The following TMEM178B variants were observed in gnomAD, a reference collection of about 807,000 sequenced individuals.
The protein encoded by TMEM178B is transmembrane protein 178B.
A neutral mutation model predicts 31.0 loss-of-function variants in TMEM178B; 5 were observed. The observed-to-expected ratio is 0.16, with a 90% CI of 0.08 to 0.34. The LOEUF is 0.34. Among genes scored for constraint, TMEM178B ranks in the 10% least tolerant of loss-of-function variants. The probability of loss-of-function intolerance (pLI) is 1.00; values close to 1 mark genes in which losing one functional copy is unlikely to be tolerated. For synonymous variants in TMEM178B, 164 were observed against 164.0 expected, an observed-to-expected ratio of 1.00 and a Z score of 0.00; for missense variants, 275 against 400.3, an observed-to-expected ratio of 0.69 and a Z score of 2.67.
At chr7:141,192,616 C>T (rs1796716188) in intron 1 of TMEM178B, among the ~76,000 whole-genome samples, 1 of 152,108 alleles carries the variant, frequency 6.6e-6, no homozygotes, top group African/African-American at 2.4e-5. Context: ...AGGCGCTTGC[C>T]ACCACACCCG....
chr7:141,269,507 G>A (rs186687980), intron 2 of TMEM178B, among the ~76,000 whole-genome samples: 1 of 152,314 alleles, frequency 6.6e-6, no homozygotes, highest in African/African-American at 2.4e-5. Flanking sequence ...CTACTTTAGG[G>A]ATGAACTGAA....
intron 1 of TMEM178B, among the ~76,000 whole-genome samples, chr7:141,077,501 G>A (rs1408713320): frequency 1.3e-5 from 2 of 152,172 alleles, no homozygotes; most frequent in Non-Finnish European, 2.9e-5. Context: ...TGTCTGATTT[G>A]AAGGTAAAGT....
At chr7:141,503,381 G>A in the TMEM178B span, among the ~76,000 whole-genome samples, 2 of 152,216 alleles carry the variant, frequency 1.3e-5, no homozygotes, top group Non-Finnish European at 2.9e-5. Context: ...GCCATTTGGT[G>A]CCAAAGCCTA....
chr7:141,199,330 T>C (rs938296489), intron 1 of TMEM178B, among the ~76,000 whole-genome samples: 5 of 152,192 alleles, frequency 3.3e-5, no homozygotes, highest in African/African-American at 1.2e-4. Context: ...TTTCTGCCAT[T>C]AGTAGTAATG....
intron 1 of TMEM178B, among the ~76,000 whole-genome samples, chr7:141,085,968 GATA>G (rs1794781355): frequency 6.6e-6 from 1 of 152,106 alleles, no homozygotes; most frequent in Non-Finnish European, 1.5e-5. Context: ...TCATTAATAA[GATA>G]ATGATGTATG....
intron 2 of TMEM178B, among the ~76,000 whole-genome samples, chr7:141,403,092 G>A (rs546456841): frequency 6.6e-6 from 1 of 152,268 alleles, no homozygotes; most frequent in South Asian, 2.1e-4. Flanking sequence ...GGCCACAGAG[G>A]CCCCAGAGAT....
intron 2 of TMEM178B, among the ~76,000 whole-genome samples, chr7:141,304,949 A>AT: frequency 6.6e-6 from 1 of 152,148 alleles, no homozygotes; most frequent in Admixed American, 6.6e-5. Context: ...CACCGCTTGC[A>AT]TCTCCCAGTC....
intron 2 of TMEM178B, among the ~76,000 whole-genome samples, chr7:141,409,794 G>A (rs555169146): frequency 1.3e-5 from 2 of 151,752 alleles, no homozygotes; most frequent in African/African-American, 4.8e-5. Context: ...GGAAAGCTGG[G>A]CCCCTCTATC....
rs571862677 is a variant in TMEM178B at position 141,306,343 on chromosome 7, A to G, written c.496+93639A>G. On this transcript the variant is annotated intron_variant, in intron 2 of 3. Coordinates refer to ENST00000565468, the MANE Select transcript of TMEM178B (RefSeq NM_001195278.2). ...ATCATGGAGGGATGCCCTTTGCTGA[A>G]GGGGAAGGAGAGGAGGGATGCGTTT... Among the ~76,000 whole-genome samples the G allele has an allele frequency of 1.3e-3, 205 of 152,250 alleles. 1 individual carries two copies. The highest frequency in any genetic ancestry group is 2.4e-3 in the Non-Finnish European group (163 of 68,026).
intron 2 of TMEM178B, among the ~76,000 whole-genome samples, chr7:141,429,528 G>T (rs1433607049): frequency 6.6e-6 from 1 of 152,182 alleles, no homozygotes; most frequent in Non-Finnish European, 1.5e-5. Context: ...GGTTACCAGA[G>T]GCTGGTGTGG....
chr7:141,465,047 A>AT (rs1322093588), intron 3 of TMEM178B, among the ~76,000 whole-genome samples: 3 of 152,236 alleles, frequency 2.0e-5, no homozygotes, highest in African/African-American at 4.8e-5. Flanking sequence ...ATTACTATTT[A>AT]TTCTAGTTCT....
chr7:141,356,406 A>T, intron 2 of TMEM178B, among the ~76,000 whole-genome samples: 1 of 151,208 alleles, frequency 6.6e-6, no homozygotes, highest in East Asian at 1.9e-4. Flanking sequence ...TTTTAATAGT[A>T]GCCATTCTGG....
intron 1 of TMEM178B, among the ~76,000 whole-genome samples, chr7:141,196,521 A>T (rs1351896884): frequency 2.0e-5 from 3 of 152,212 alleles, no homozygotes; most frequent in Non-Finnish European, 4.4e-5. Flanking sequence ...TGGGAAGTGG[A>T]ATGTGGAGCA....
chr7:141,297,511 C>T (rs559555132), intron 2 of TMEM178B, among the ~76,000 whole-genome samples: 1 of 152,290 alleles, frequency 6.6e-6, no homozygotes, highest in Admixed American at 6.5e-5. Context: ...CTCCCCTTCC[C>T]CCACCCCACA....
intron 2 of TMEM178B, among the ~76,000 whole-genome samples, chr7:141,329,019 C>T (rs1044740540): frequency 6.6e-6 from 1 of 152,076 alleles, no homozygotes; most frequent in East Asian, 1.9e-4. Context: ...ACATGTCCCC[C>T]CCAGTCTATA....
intron 1 of TMEM178B, among the ~76,000 whole-genome samples, chr7:141,205,745 A>G (rs966561154): frequency 6.6e-6 from 1 of 152,208 alleles, no homozygotes; most frequent in Non-Finnish European, 1.5e-5. Flanking sequence ...GCCCTGCTTA[A>G]TATATATTAC....
Position 141,333,980 on chromosome 7 carries a change from T to A in TMEM178B, c.497-103628T>A, listed in dbSNP as rs533918768. Among the ~76,000 whole-genome samples, 23 of 152,294 alleles carry A rather than the reference T, an allele frequency of 1.5e-4. 1 individual carries two copies. The East Asian group carries it at 4.4e-3, about 29-fold the overall frequency. ...CCCACCTGCAGCTCACCTTCTGCTG[T>A]GGGGCCCGCTTCCTAACAGGGGGAA... On this transcript the variant is annotated intron_variant, in intron 2 of 3. Coordinates refer to ENST00000565468, the MANE Select transcript of TMEM178B (RefSeq NM_001195278.2).
chr7:141,124,529 T>C (rs1443123788), intron 1 of TMEM178B, among the ~76,000 whole-genome samples: 1 of 152,200 alleles, frequency 6.6e-6, no homozygotes, highest in Non-Finnish European at 1.5e-5. Context: ...GCCTCGACTG[T>C]AAGCTCTCTG....
At chr7:141,456,432 G>A (rs1406123436) in intron 3 of TMEM178B, among the ~76,000 whole-genome samples, 1 of 152,198 alleles carries the variant, frequency 6.6e-6, no homozygotes, top group East Asian at 1.9e-4. Context: ...CCCCTACCAG[G>A]AAGCTGGTAC....
Sources: gnomAD v4.1 joint callset for allele counts (sites outside exome capture counted in the v4.1 genomes callset) on GRCh38, gnomAD v4.1.1 for gene constraint, MANE v1.5 for transcripts, NCBI Gene and HGNC (gene_info 2026-07-23, HGNC 2026-07-21) for gene names.